Variants in HS3ST4 observed in about 807,000 individuals in gnomAD.
HS3ST4 encodes heparan sulfate glucosamine 3-O-sulfotransferase 4.
In HS3ST4, 17 loss-of-function variants were observed where a neutral mutation model predicts 29.2. That is an observed-to-expected ratio of 0.58 (90% CI 0.40 to 0.87). The LOEUF (loss-of-function observed/expected upper bound fraction) is 0.87. Among genes scored for constraint, HS3ST4 ranks in the 40% least tolerant of loss-of-function variants. The probability of loss-of-function intolerance (pLI) is 0.00; values close to 1 mark genes in which losing one functional copy is unlikely to be tolerated. For missense variants in HS3ST4, 627 were observed against 634.5 expected, an observed-to-expected ratio of 0.99 and a Z score of 0.13; for synonymous variants, 314 against 285.7, an observed-to-expected ratio of 1.10 and a Z score of -1.00.
intron 1 of HS3ST4, among the ~76,000 whole-genome samples, chr16:25,698,201 G>A (rs1006304562): frequency 1.3e-5 from 2 of 152,314 alleles, no homozygotes; most frequent in African/African-American, 4.8e-5. Flanking sequence ...AAAGTGCTGG[G>A]ATACGGGCAT....
At chr16:25,729,474 A>G (rs956485020) in intron 1 of HS3ST4, among the ~76,000 whole-genome samples, 1 of 152,216 alleles carries the variant, frequency 6.6e-6, no homozygotes, top group African/African-American at 2.4e-5. Flanking sequence ...TCCTCTTTTG[A>G]TGACGTGTAG....
At chr16:25,856,414 A>C (rs1461342660) in intron 1 of HS3ST4, among the ~76,000 whole-genome samples, 1 of 151,994 alleles carries the variant, frequency 6.6e-6, no homozygotes, top group Non-Finnish European at 1.5e-5. Context: ...TGATTTCATC[A>C]GTTATGCCTG....
intron 1 of HS3ST4, among the ~76,000 whole-genome samples, chr16:26,029,314 C>T (rs754334527): frequency 5.9e-5 from 9 of 152,278 alleles, no homozygotes; most frequent in South Asian, 4.2e-4. Flanking sequence ...TGCACTTGGA[C>T]GGTCCCATCC....
chr16:25,945,417 C>A (rs11641565), intron 1 of HS3ST4, among the ~76,000 whole-genome samples: 65,027 of 151,978 alleles, frequency 0.43, 14,337 homozygotes, highest in Admixed American at 0.56. Flanking sequence ...AAATTTGGTT[C>A]CCAGGCTTTT....
At chr16:25,810,650 A>G (rs949688406) in intron 1 of HS3ST4, among the ~76,000 whole-genome samples, 3 of 151,922 alleles carry the variant, frequency 2.0e-5, no homozygotes, top group Admixed American at 6.6e-5. Flanking sequence ...CCATTCTTTT[A>G]CTCATTTTTA....
intron 1 of HS3ST4, among the ~76,000 whole-genome samples, chr16:26,011,701 TGTGAGA>T (rs943256919): frequency 4.5e-4 from 43 of 95,614 alleles, no homozygotes; most frequent in African/African-American, 2.0e-3. Context: ...TGTGTGTGTG[TGTGAGA>T]GAGAGACAGA....
intron 1 of HS3ST4, among the ~76,000 whole-genome samples, chr16:25,840,989 T>A (rs1260952937): frequency 1.4e-5 from 2 of 143,014 alleles, no homozygotes; most frequent in Non-Finnish European, 3.1e-5. Context: ...TTTATTTATT[T>A]ATTTATTTAT....
At chr16:25,988,797 A>G (rs1596636927) in intron 1 of HS3ST4, among the ~76,000 whole-genome samples, 1 of 152,120 alleles carries the variant, frequency 6.6e-6, no homozygotes, top group Non-Finnish European at 1.5e-5. Flanking sequence ...TAATCTGTAC[A>G]TCAAACCCTC....
chr16:25,885,313 C>T (rs538488340), intron 1 of HS3ST4, among the ~76,000 whole-genome samples: 2 of 152,282 alleles, frequency 1.3e-5, no homozygotes, highest in East Asian at 1.9e-4. Context: ...AGTGGTTTCT[C>T]AACTCTGCAA....
At chr16:25,860,900 T>C (rs1164136402) in intron 1 of HS3ST4, among the ~76,000 whole-genome samples, 1 of 152,132 alleles carries the variant, frequency 6.6e-6, no homozygotes, top group South Asian at 2.1e-4. Flanking sequence ...TGTAGGTTTA[T>C]CCATTATAAT....
intron 1 of HS3ST4, among the ~76,000 whole-genome samples, chr16:25,845,969 T>A (rs1347206271): frequency 5.3e-5 from 8 of 152,190 alleles, no homozygotes; most frequent in African/African-American, 1.7e-4. Flanking sequence ...CTGTTCGTAT[T>A]TGGAGTTGTC....
intron 1 of HS3ST4, among the ~76,000 whole-genome samples, chr16:25,886,276 G>T (rs934238455): frequency 6.6e-6 from 1 of 151,910 alleles, no homozygotes; most frequent in Non-Finnish European, 1.5e-5. Context: ...CAAGTGATCC[G>T]CCTGCCTCGG....
intron 1 of HS3ST4, among the ~76,000 whole-genome samples, chr16:25,808,919 A>G (rs1391181179): frequency 1.3e-5 from 2 of 152,168 alleles, no homozygotes; most frequent in East Asian, 1.9e-4. Flanking sequence ...TTGTTAGTAT[A>G]TAGACATGCA....
At chr16:26,010,035 C>G (rs1370860355) in intron 1 of HS3ST4, among the ~76,000 whole-genome samples, 1 of 152,164 alleles carries the variant, frequency 6.6e-6, no homozygotes, top group Non-Finnish European at 1.5e-5. Context: ...TTTTAAGAAT[C>G]TGTGATCTGG....
intron 1 of HS3ST4, among the ~76,000 whole-genome samples, chr16:26,087,258 A>G (rs1219609606): frequency 6.6e-6 from 1 of 152,244 alleles, no homozygotes; most frequent in Non-Finnish European, 1.5e-5. Flanking sequence ...CAAGGGGCTC[A>G]GATGTATTTA....
At chr16:25,881,090 T>C (rs957180463) in intron 1 of HS3ST4, among the ~76,000 whole-genome samples, 7 of 152,128 alleles carry the variant, frequency 4.6e-5, no homozygotes, top group Non-Finnish European at 8.8e-5. Flanking sequence ...CAACAATCAT[T>C]GAAGAACAGG....
chr16:25,892,052 A>G (rs1365183409), intron 1 of HS3ST4, among the ~76,000 whole-genome samples: 1 of 152,182 alleles, frequency 6.6e-6, no homozygotes, highest in Non-Finnish European at 1.5e-5. Flanking sequence ...TATTATTATC[A>G]TCATCACTAA....
chr16:25,829,809 T>A (rs1188035193), intron 1 of HS3ST4, among the ~76,000 whole-genome samples: 1 of 152,050 alleles, frequency 6.6e-6, no homozygotes, highest in Non-Finnish European at 1.5e-5. Context: ...TTTTAAAAAA[T>A]TATTTATTTA....
chr16:25,928,270 T>A (rs1968428601), intron 1 of HS3ST4, among the ~76,000 whole-genome samples: 1 of 149,302 alleles, frequency 6.7e-6, no homozygotes, highest in Non-Finnish European at 1.5e-5. Context: ...GAGGCTGAGG[T>A]AGGAGGATCG....
Sources: gnomAD v4.1 joint callset for allele counts (sites outside exome capture counted in the v4.1 genomes callset) on GRCh38, gnomAD v4.1.1 for gene constraint, MANE v1.5 for transcripts, NCBI Gene and HGNC (gene_info 2026-07-23, HGNC 2026-07-21) for gene names.